Variants in SLCO3A1 observed in about 807,000 individuals in gnomAD.
SLCO3A1 encodes PGE1 transporter.
SLCO3A1 carries 27 observed loss-of-function variants against 63.1 expected under a neutral mutation model. That is an observed-to-expected ratio of 0.43 (90% CI 0.32 to 0.59). The LOEUF (loss-of-function observed/expected upper bound fraction) is 0.59. Among genes scored for constraint, SLCO3A1 ranks in the 20% least tolerant of loss-of-function variants. The pLI is 0.09. For synonymous variants in SLCO3A1, 473 were observed against 409.9 expected, an observed-to-expected ratio of 1.15 and a Z score of -1.86; for missense variants, 773 against 945.8, an observed-to-expected ratio of 0.82 and a Z score of 2.40.
At position 91,993,391 on chromosome 15, in the gene SLCO3A1, C is replaced by T. The variant is rs546992951; in HGVS notation, c.646+76933C>T. 2.0e-5 allele frequency among the ~76,000 whole-genome samples: 3 copies of T among 152,232 alleles called. No homozygotes were observed. The South Asian group carries it at 6.2e-4, about 32-fold the overall frequency. ...CTTAAATGAAGATGAAATTTGAGAACTAATTTATAGAGATAATGACTTAGA... is the reference window on the plus strand; with the variant it reads ...CTTAAATGAAGATGAAATTTGAGAATTAATTTATAGAGATAATGACTTAGA... On this transcript the variant is annotated intron_variant, in intron 2 of 9. Transcript: ENST00000318445.
chr15:92,014,875 T>C (rs1262412829), intron 2 of SLCO3A1, among the ~76,000 whole-genome samples: 1 of 151,202 alleles, frequency 6.6e-6, no homozygotes, highest in African/African-American at 2.4e-5. Context: ...AGGAGGAGGG[T>C]AAGGAGGATC....
In SLCO3A1 at chr15:91,917,247, C is replaced by G. The variant is rs576296135; in HGVS notation, c.646+789C>G. Among the ~76,000 whole-genome samples, 25 of 151,060 alleles carry G rather than the reference C, an allele frequency of 1.7e-4. No individual in the cohort carries two copies. The South Asian group carries it at 5.2e-3, about 31-fold the overall frequency. Reference sequence around the variant, plus strand: ...GTCTCCTGCCAGCTGCTGGATTTTTCTGACATCCCCAGTCACTGAGTGCTA... The same window carrying G: ...GTCTCCTGCCAGCTGCTGGATTTTTGTGACATCCCCAGTCACTGAGTGCTA... On this transcript the variant is annotated intron_variant, in intron 2 of 9. Coordinates refer to ENST00000318445, the MANE Select transcript of SLCO3A1 (RefSeq NM_013272.4).
chr15:91,995,023 T>C (rs2046173886), intron 2 of SLCO3A1, among the ~76,000 whole-genome samples: 2 of 152,216 alleles, frequency 1.3e-5, no homozygotes, highest in Admixed American at 1.3e-4. Flanking sequence ...CTGGCCTTCA[T>C]TGTTAGGTTG....
intron 2 of SLCO3A1, among the ~76,000 whole-genome samples, chr15:92,088,701 C>A (rs2151530871): frequency 6.6e-6 from 1 of 152,274 alleles, no homozygotes; most frequent in East Asian, 1.9e-4. Context: ...TGGCCATCCA[C>A]CATCTTCAAA....
intron 4 of SLCO3A1, among the ~76,000 whole-genome samples, chr15:92,119,739 C>A (rs1470838229): frequency 1.3e-5 from 2 of 152,128 alleles, no homozygotes; most frequent in African/African-American, 4.8e-5. Context: ...GGATTTTGAC[C>A]ATTGCAGGGT....
rs941312241 is a variant in SLCO3A1, at chr15:92,163,368, C to T, written c.*233C>T. 3.0e-5 allele frequency: 34 copies of T among 1,151,866 alleles called. No individual in the cohort carries two copies. Among genetic ancestry groups the T allele is most frequent in the African/African-American group, 1.1e-4 (7 of 62,462 alleles). 71.4% of individuals were successfully genotyped at this position (1,151,866 alleles called of 1,614,324 possible). ...GGCAGGGTCCTGGAGGCCACTTGCGCGGCTGGGCCACAGAGTCTACTTTGA... is the reference window on the plus strand; with the variant it reads ...GGCAGGGTCCTGGAGGCCACTTGCGTGGCTGGGCCACAGAGTCTACTTTGA... On this transcript the variant is annotated 3_prime_UTR_variant, in exon 10 of 10. Coordinates refer to ENST00000318445, the MANE Select transcript of SLCO3A1 (RefSeq NM_013272.4).
intron 1 of SLCO3A1, among the ~76,000 whole-genome samples, chr15:91,877,110 T>C (rs577974890): frequency 1.3e-5 from 2 of 152,324 alleles, no homozygotes; most frequent in African/African-American, 4.8e-5. Context: ...TTCTTGATCT[T>C]TAAGATAGTT....
At position 92,163,299 on chromosome 15, in the gene SLCO3A1, C is replaced by G; in HGVS notation, c.*164C>G. The G allele has an allele frequency of 3.1e-6, 4 of 1,286,948 alleles. No homozygotes were observed. The South Asian group carries it at 1.1e-4, about 37-fold the overall frequency. The allele number at this position is 1,286,948 out of a possible 1,614,324, so 79.7% of individuals were successfully genotyped here. Reference sequence around the variant, plus strand: ...CCGACTTTGTCCTTTTTCTCAGCATCAGAGCCAGACAGGATTCAGAATAAG... The same window carrying G: ...CCGACTTTGTCCTTTTTCTCAGCATGAGAGCCAGACAGGATTCAGAATAAG... On this transcript the variant is annotated 3_prime_UTR_variant, in exon 10 of 10. Coordinates refer to ENST00000318445, the MANE Select transcript of SLCO3A1 (RefSeq NM_013272.4).
At chr15:91,991,289 C>T (rs2046123502) in intron 2 of SLCO3A1, among the ~76,000 whole-genome samples, 2 of 152,066 alleles carry the variant, frequency 1.3e-5, no homozygotes, top group Admixed American at 6.6e-5. Context: ...TCACTTGAAC[C>T]CAGGAGATCT....
intron 2 of SLCO3A1, among the ~76,000 whole-genome samples, chr15:92,012,742 TAAAAA>T (rs33945478): frequency 0.089 from 11,265 of 126,672 alleles, 578 homozygotes; most frequent in East Asian, 0.21. Context: ...GTCTCTAATT[TAAAAA>T]AAAAAAAAAA....
Position 91,916,184 on chromosome 15 carries a change from G to A in SLCO3A1, c.372G>A (p.Ala124=), listed in dbSNP as rs1241027393. 6 of 1,597,640 alleles carry A rather than the reference G, an allele frequency of 3.8e-6. No homozygotes were observed. Among genetic ancestry groups the A allele is most frequent in the Non-Finnish European group, 5.1e-6 (6 of 1,174,772 alleles). ...TGGCGCTGGGCGCGCTGCTGTCGGC[G>A]CTGCCCGAGTTCCTGACCCACCAGT... ...IVMALGALLS[A]LPEFLTHQYK... is the part of the protein sequence containing the mutation. Residue 124 remains alanine, a synonymous_variant, in exon 2 of 10, where the codon GCG becomes GCA. Transcript: ENST00000318445. The surrounding 1 kb of genome is among the most constrained non-coding windows in gnomAD (Gnocchi z 6.2).
intron 7 of SLCO3A1, among the ~76,000 whole-genome samples, chr15:92,130,364 C>G (rs1025977840): frequency 2.0e-5 from 3 of 152,186 alleles, no homozygotes; most frequent in African/African-American, 7.2e-5. Flanking sequence ...TCAGGTTACT[C>G]GAGGCCTCAC....
At chr15:92,002,222 A>G (rs1001137554) in intron 2 of SLCO3A1, among the ~76,000 whole-genome samples, 1 of 152,122 alleles carries the variant, frequency 6.6e-6, no homozygotes, top group African/African-American at 2.4e-5. Context: ...GAAGGCACCT[A>G]CCTGCTATTA....
At chr15:91,925,259 A>T (rs539788600) in intron 2 of SLCO3A1, among the ~76,000 whole-genome samples, 5 of 152,162 alleles carry the variant, frequency 3.3e-5, no homozygotes, top group Middle Eastern at 3.4e-3. Flanking sequence ...TGTCCTTTTC[A>T]CCTACAAGAA....
chr15:91,868,471 A>T (rs369394215), intron 1 of SLCO3A1, among the ~76,000 whole-genome samples: 1 of 150,642 alleles, frequency 6.6e-6, no homozygotes, highest in Non-Finnish European at 1.5e-5. Context: ...ATAAAAAAAA[A>T]TCCATAATTC....
Position 92,104,677 on chromosome 15 carries a change from G to A in SLCO3A1, c.1009+135G>A, listed in dbSNP as rs900473209. 6.5e-5 allele frequency: 56 copies of A among 867,546 alleles called. 3 individuals are homozygous for A. In the South Asian group the frequency reaches 1.0e-3, roughly 16 times the overall value. The allele number at this position is 867,546 out of a possible 1,614,324, so 53.7% of individuals were successfully genotyped here. A position where few individuals can be genotyped will look rare whatever the true frequency, so the allele number is the denominator to read the frequency against. On this transcript the variant is annotated intron_variant, in intron 4 of 9. Coordinates refer to ENST00000318445, the MANE Select transcript of SLCO3A1 (RefSeq NM_013272.4). ...CAGAATAATATTGGCTTGCATGGCT[G>A]GCCTCTACCAGCCAGGTGCTTAACT...
At chr15:91,870,680 A>C (rs1413562865) in intron 1 of SLCO3A1, among the ~76,000 whole-genome samples, 1 of 152,122 alleles carries the variant, frequency 6.6e-6, no homozygotes, top group Non-Finnish European at 1.5e-5. Context: ...TTTGAACTCC[A>C]TAGTTGTCTG....
intron 2 of SLCO3A1, among the ~76,000 whole-genome samples, chr15:92,028,952 T>C (rs2046612196): frequency 1.3e-5 from 2 of 151,138 alleles, no homozygotes; most frequent in African/African-American, 4.9e-5. Context: ...TGTACGTACA[T>C]GAGAAAACCC....
chr15:92,030,635 TC>T (rs1732924641), intron 2 of SLCO3A1, among the ~76,000 whole-genome samples: 1 of 152,184 alleles, frequency 6.6e-6, no homozygotes, highest in Admixed American at 6.5e-5. Context: ...GGTCATCTTT[TC>T]TTGGACCTCG....
Sources: gnomAD v4.1 joint callset for allele counts (sites outside exome capture counted in the v4.1 genomes callset) on GRCh38, gnomAD v4.1.1 for gene constraint, Gnocchi (gnomAD v3.1) non-coding constraint, MANE v1.5 for transcripts, NCBI Gene and HGNC (gene_info 2026-07-23, HGNC 2026-07-21) for gene names.